The following ZNF609 variants were observed in gnomAD, a reference collection of about 807,000 sequenced individuals.
ZNF609 encodes zinc finger protein 609.
In ZNF609, 11 loss-of-function variants were observed where a neutral mutation model predicts 109.5. The observed-to-expected ratio is 0.10, with a 90% CI of 0.06 to 0.17. The LOEUF is 0.17. Ranked by LOEUF, ZNF609 falls within the 10% of genes least tolerant of loss-of-function variation. The probability of loss-of-function intolerance (pLI) is 1.00; values close to 1 mark genes in which losing one functional copy is unlikely to be tolerated. For synonymous variants in ZNF609, 646 were observed against 662.0 expected (o/e 0.98, Z 0.37); for missense variants, 1,559 against 1,772.4 (o/e 0.88, Z 2.16).
intron 3 of ZNF609, among the ~76,000 whole-genome samples, chr15:64,646,319 C>G (rs1896332724): frequency 6.6e-6 from 1 of 151,940 alleles, no homozygotes; most frequent in African/African-American, 2.4e-5. Context: ...CATAGCAAGA[C>G]TGCATCTCTA....
At chr15:64,598,583 T>G (rs1434009205) in intron 2 of ZNF609, among the ~76,000 whole-genome samples, 2 of 151,720 alleles carry the variant, frequency 1.3e-5, no homozygotes, top group African/African-American at 2.4e-5. Flanking sequence ...TACTTTTTCC[T>G]TTAATTCACT....
At chr15:64,618,652 C>T (rs1895835372) in intron 2 of ZNF609, among the ~76,000 whole-genome samples, 1 of 152,192 alleles carries the variant, frequency 6.6e-6, no homozygotes, top group African/African-American at 2.4e-5. Flanking sequence ...AGTTCAGCTA[C>T]TCAGCGGCCC....
chr15:64,646,367 A>T (rs1322762686), intron 3 of ZNF609, among the ~76,000 whole-genome samples: 1 of 152,046 alleles, frequency 6.6e-6, no homozygotes, highest in African/African-American at 2.4e-5. Context: ...ATGGTGGCTT[A>T]TGTCTGTAAT....
rs568612175 is a variant in ZNF609 at position 64,477,692 on chromosome 15, G to A, written c.-128+16854G>A. On this transcript the variant is annotated intron_variant, in intron 1 of 9. Transcript: ENST00000326648. ...CACCCAGGCTGGAGTGCAGTGGCGC[G>A]ATCTCAGCTCACTGCAACATCTAAC... is the stretch of plus-strand genomic sequence containing the variant. Among the ~76,000 whole-genome samples the A allele has an allele frequency of 5.3e-5, 8 of 150,314 alleles. No homozygotes were observed. The South Asian group carries it at 8.4e-4, about 16-fold the overall frequency.
chr15:64,489,183 T>G (rs573207788), intron 1 of ZNF609, among the ~76,000 whole-genome samples: 1 of 151,946 alleles, frequency 6.6e-6, no homozygotes, highest in South Asian at 2.1e-4. Context: ...GTTTTTTTTT[T>G]TGTTTTTTTG....
chr15:64,595,080 C>T (rs940001526), intron 2 of ZNF609, among the ~76,000 whole-genome samples: 2 of 151,284 alleles, frequency 1.3e-5, no homozygotes, highest in African/African-American at 4.8e-5. Flanking sequence ...AAAATTTGGG[C>T]CGGGCGCGGT....
chr15:64,468,018 T>C (rs1893038535), intron 1 of ZNF609, among the ~76,000 whole-genome samples: 1 of 151,884 alleles, frequency 6.6e-6, no homozygotes, highest in Admixed American at 6.6e-5. Flanking sequence ...GCTTTTTTTT[T>C]TTTTCTTTTT....
chr15:64,580,762 A>C (rs1895087504), intron 2 of ZNF609, among the ~76,000 whole-genome samples: 2 of 151,228 alleles, frequency 1.3e-5, no homozygotes, highest in African/African-American at 4.9e-5. Flanking sequence ...CGAACTCCTG[A>C]CCTGAAGTGA....
chr15:64,550,553 A>G (rs1894449903), intron 2 of ZNF609, among the ~76,000 whole-genome samples: 1 of 151,756 alleles, frequency 6.6e-6, no homozygotes. Flanking sequence ...AAAAAAAAAA[A>G]GAGGAATAGA....
At chr15:64,663,728 C>T (rs989536186) in intron 3 of ZNF609, among the ~76,000 whole-genome samples, 2 of 152,058 alleles carry the variant, frequency 1.3e-5, no homozygotes, top group African/African-American at 4.8e-5. Context: ...AGGAGCTGAG[C>T]ATGAAGGTAC....
intron 3 of ZNF609, among the ~76,000 whole-genome samples, chr15:64,647,404 A>T (rs781378347): frequency 2.6e-5 from 4 of 152,182 alleles, no homozygotes; most frequent in African/African-American, 9.7e-5. Context: ...AAAAGTAACA[A>T]TTTTTATTGT....
At chr15:64,501,814 G>A (rs2140352062) in intron 2 of ZNF609, 1 of 152,340 alleles carries the variant, frequency 6.6e-6, no homozygotes, top group East Asian at 1.9e-4. Context: ...GTGATAGTCT[G>A]TGGATGAAAG....
chr15:64,680,953 C>CT (rs1896877037), intron 8 of ZNF609, 91 bp downstream of exon 8: 1 of 1,411,068 alleles, frequency 7.1e-7, no homozygotes, highest in Non-Finnish European at 9.6e-7. Flanking sequence ...TAGGACCCTC[C>CT]TACCTGCCTC....
At chr15:64,604,024 T>A (rs1202044796) in intron 2 of ZNF609, among the ~76,000 whole-genome samples, 1 of 147,434 alleles carries the variant, frequency 6.8e-6, no homozygotes, top group African/African-American at 2.5e-5. Context: ...AAAAAAAGAT[T>A]AGGCTGAAAT....
chr15:64,556,264 G>C (rs181777351), intron 2 of ZNF609, among the ~76,000 whole-genome samples: 5 of 152,026 alleles, frequency 3.3e-5, no homozygotes, highest in Non-Finnish European at 7.4e-5. Flanking sequence ...CCAAAGTGCT[G>C]GGAGTACAGG....
At chr15:64,594,440 C>G (rs983403011) in intron 2 of ZNF609, among the ~76,000 whole-genome samples, 1 of 151,818 alleles carries the variant, frequency 6.6e-6, no homozygotes, top group Non-Finnish European at 1.5e-5. Flanking sequence ...TCAGGTGATC[C>G]TCTCACCTCA....
chr15:64,534,956 C>G (rs574397688), intron 2 of ZNF609, among the ~76,000 whole-genome samples: 1 of 151,946 alleles, frequency 6.6e-6, no homozygotes, highest in Admixed American at 6.5e-5. Context: ...TTGCTTGAAC[C>G]TGGGAGGCAG....
chr15:64,499,579 T>A lies in ZNF609; in HGVS notation c.160T>A (p.Ser54Thr). Residue 54 changes from serine to threonine, a missense_variant, in exon 2 of 10, where the codon TCA (serine) becomes ACA (threonine). By Grantham distance (58) the Ser-to-Thr change is moderately conservative. Around this residue, in one of 4 missense-constraint regions of ZNF609, gnomAD observed 291 missense variants for 317.8 expected, o/e 0.92. Coordinates refer to ENST00000326648, the MANE Select transcript of ZNF609 (RefSeq NM_015042.2). ...CCAGCAGAAACTGGAAATGTCAGGCTCAAAGGAGGTGGGGATACCGGCTCC... is the reference window on the plus strand; with the variant it reads ...CCAGCAGAAACTGGAAATGTCAGGCACAAAGGAGGTGGGGATACCGGCTCC... ...KDQQKLEMSG[S>T]KEVGIPAPNA... 1 of 1,614,026 alleles carries A rather than the reference T, an allele frequency of 6.2e-7. No individual in the cohort carries two copies. The highest frequency in any genetic ancestry group is 2.2e-5 in the East Asian group (1 of 44,868).
intron 3 of ZNF609, among the ~76,000 whole-genome samples, chr15:64,665,575 ACT>A (rs572876832): frequency 6.3e-4 from 96 of 152,120 alleles, no homozygotes; most frequent in African/African-American, 2.2e-3. Flanking sequence ...ACATAGTGAG[ACT>A]CTGTCTCTAT....
Sources: gnomAD v4.1 joint callset for allele counts (sites outside exome capture counted in the v4.1 genomes callset) on GRCh38, gnomAD v4.1.1 for gene constraint, gnomAD v4.1.1 regional missense constraint, MANE v1.5 for transcripts, NCBI Gene and HGNC (gene_info 2026-07-23, HGNC 2026-07-21) for gene names.